The following FNTB variants were observed in gnomAD, a reference collection of about 807,000 sequenced individuals.
FNTB encodes protein farnesyltransferase subunit beta.
FNTB carries 27 observed loss-of-function variants against 59.4 expected under a neutral mutation model. That is an observed-to-expected ratio of 0.45 (90% confidence interval 0.34 to 0.63). The LOEUF (loss-of-function observed/expected upper bound fraction) is 0.63. FNTB is among the 20% of genes least tolerant of loss of function. The pLI is 0.02. For synonymous variants in FNTB, 230 were observed against 220.7 expected (o/e 1.04, Z -0.37); for missense variants, 449 against 559.6 (o/e 0.80, Z 1.99).
Position 65,009,318 on chromosome 14 carries a change from A to G in FNTB, c.210-2999A>G, listed in dbSNP as rs867073997. Among the ~76,000 whole-genome samples, 29 of 152,054 alleles carry G rather than the reference A, an allele frequency of 1.9e-4. No homozygotes were observed. Among genetic ancestry groups the G allele is most frequent in the African/African-American group, 6.3e-4 (26 of 41,394 alleles). On this transcript the variant is annotated intron_variant, in intron 2 of 11. Coordinates refer to ENST00000246166, the MANE Select transcript of FNTB (RefSeq NM_002028.4). This position sits in a 1 kb window ranked among gnomAD's most constrained non-coding sequence, Gnocchi z 4.2. The stretch of plus-strand genomic sequence containing the variant: ...CCTGAGGCTGCTGACTGGCTTCACC[A>G]ACATGTTATATTTCTTAATTTCACT...
chr14:64,992,772 T>G (rs1353234719), intron 1 of FNTB, among the ~76,000 whole-genome samples: 1 of 152,176 alleles, frequency 6.6e-6, no homozygotes, highest in South Asian at 2.1e-4. Flanking sequence ...ATTTTTTTTT[T>G]GCAGTGTTTC....
rs375237447 is a variant in FNTB, at chr14:65,012,427, T to G, written c.282+38T>G. ...CCCAGGAACTCTTGCTGTCAAATTA[T>G]CCACCAAATCCTCCTCCTTTTTCTA... On this transcript the variant is annotated intron_variant, in intron 3 of 11. Coordinates refer to ENST00000246166, the MANE Select transcript of FNTB (RefSeq NM_002028.4). The surrounding 1 kb of genome is among the most constrained non-coding windows in gnomAD (Gnocchi z 5.0). 8.7e-6 allele frequency: 14 copies of G among 1,612,356 alleles called. No individual in the cohort carries two copies. The African/African-American group carries it at 1.2e-4, about 14-fold the overall frequency.
chr14:65,057,994 C>T (rs1000787338), intron 11 of FNTB, among the ~76,000 whole-genome samples: 1 of 152,170 alleles, frequency 6.6e-6, no homozygotes, highest in Non-Finnish European at 1.5e-5. Flanking sequence ...TTCAAAATTG[C>T]CTTGGCTATT....
chr14:65,013,329 T>A (rs2061713554), intron 3 of FNTB, among the ~76,000 whole-genome samples: 3 of 151,320 alleles, frequency 2.0e-5, no homozygotes, highest in African/African-American at 7.3e-5. Flanking sequence ...TGTTTCCTTT[T>A]TTTTTTTTCT....
chr14:65,018,739 G>A (rs2139538053), intron 4 of FNTB, among the ~76,000 whole-genome samples: 1 of 151,346 alleles, frequency 6.6e-6, no homozygotes, highest in Admixed American at 6.6e-5. Flanking sequence ...GAATCTGGGA[G>A]GTGGACGTTG....
At chr14:65,043,162 G>A (rs2062389019) in intron 8 of FNTB, among the ~76,000 whole-genome samples, 1 of 152,176 alleles carries the variant, frequency 6.6e-6, no homozygotes, top group Admixed American at 6.5e-5. Flanking sequence ...GGCTGGAACG[G>A]CCTAGGTGGT....
intron 1 of FNTB, among the ~76,000 whole-genome samples, chr14:65,000,361 T>C (rs1167191025): frequency 6.6e-6 from 1 of 152,194 alleles, no homozygotes; most frequent in South Asian, 2.1e-4. Flanking sequence ...ACTTATTTTC[T>C]TGTTATTATG....
At chr14:65,056,600 G>C (rs527950104) in intron 11 of FNTB, among the ~76,000 whole-genome samples, 7 of 152,164 alleles carry the variant, frequency 4.6e-5, no homozygotes, top group Non-Finnish European at 1.0e-4. Context: ...ATTTTCAAAT[G>C]TTTGTTGGCC....
rs2061759103 is a variant in FNTB at position 65,015,615 on chromosome 14, T to C, written c.283-10T>C. 1.9e-6 allele frequency: 3 copies of C among 1,613,868 alleles called. No individual in the cohort carries two copies. The highest frequency in any genetic ancestry group is 2.2e-5 in the East Asian group (1 of 44,880). Reference sequence around the variant, plus strand: ...AATAAGGGATGTTTTCTCTCCTGTCTCTCTCCCAGTGTCTGGATGCCAGCC... The same window carrying C: ...AATAAGGGATGTTTTCTCTCCTGTCCCTCTCCCAGTGTCTGGATGCCAGCC... On this transcript the variant is annotated splice_polypyrimidine_tract_variant and intron_variant, in intron 3 of 11. Transcript: ENST00000246166.
chr14:65,006,156 CTT>C (rs367570902), intron 2 of FNTB: 25,036 of 1,411,522 alleles, frequency 0.018, no homozygotes, highest in South Asian at 0.029. Flanking sequence ...ACCTTTGTGT[CTT>C]TTTTTTTTTT....
At chr14:65,040,322 TATATG>T (rs2062319914) in intron 7 of FNTB, among the ~76,000 whole-genome samples, 1 of 149,938 alleles carries the variant, frequency 6.7e-6, no homozygotes, top group Non-Finnish European at 1.5e-5. Context: ...TATATGTACA[TATATG>T]TATATGTATG....
intron 11 of FNTB, among the ~76,000 whole-genome samples, chr14:65,059,245 A>G (rs2062808712): frequency 6.7e-6 from 1 of 149,592 alleles, no homozygotes; most frequent in Non-Finnish European, 1.5e-5. Flanking sequence ...CTGGTCTTGA[A>G]CTCTTGGCCT....
chr14:65,037,954 G>A (rs773138310), intron 7 of FNTB, among the ~76,000 whole-genome samples: 1 of 150,604 alleles, frequency 6.6e-6, no homozygotes, highest in Admixed American at 6.6e-5. Flanking sequence ...TAATTTTTAC[G>A]GGGTTTCGCC....
Position 65,009,477 on chromosome 14 carries a change from C to G in FNTB, c.210-2840C>G, listed in dbSNP as rs1319121776. Among the ~76,000 whole-genome samples, 4 of 152,168 alleles carry G rather than the reference C, an allele frequency of 2.6e-5. No homozygotes were observed. Among genetic ancestry groups the G allele is most frequent in the Admixed American group, 1.3e-4 (2 of 15,276 alleles). On this transcript the variant is annotated intron_variant, in intron 2 of 11. Coordinates refer to ENST00000246166, the MANE Select transcript of FNTB (RefSeq NM_002028.4). The surrounding 1 kb of genome is among the most constrained non-coding windows in gnomAD (Gnocchi z 4.2). Reference sequence around the variant, plus strand: ...TCCTGAGAAAATCGAGGCTGACCCACCTGACTTTCCTGTTTCCTTCTTCCC... The same window carrying G: ...TCCTGAGAAAATCGAGGCTGACCCAGCTGACTTTCCTGTTTCCTTCTTCCC...
Position 65,012,247 on chromosome 14 carries a change from C to T in FNTB, c.210-70C>T, listed in dbSNP as rs556350594. 2.2e-4 allele frequency: 344 copies of T among 1,579,900 alleles called. 6 individuals are homozygous for T. The South Asian group carries it at 3.1e-3, about 14-fold the overall frequency. ...CTGAGTGTTTACCCGTGTGTGTGTA[C>T]GTGCACATACGTGTGTATGGTGGAA... On this transcript the variant is annotated intron_variant, in intron 2 of 11. Transcript: ENST00000246166. This position sits in a 1 kb window ranked among gnomAD's most constrained non-coding sequence, Gnocchi z 5.0.
intron 7 of FNTB, among the ~76,000 whole-genome samples, chr14:65,036,512 T>C (rs1314854700): frequency 1.3e-5 from 2 of 151,986 alleles, no homozygotes; most frequent in African/African-American, 4.8e-5. Context: ...GCTGGGATTA[T>C]AGGCGTGAGC....
intron 2 of FNTB, among the ~76,000 whole-genome samples, chr14:65,005,511 T>TTCTTTCTC (rs1555390096): frequency 1.1e-3 from 70 of 64,444 alleles, no homozygotes; most frequent in East Asian, 4.2e-3. Context: ...CTTTCTTTCT[T>TTCTTTCTC]TCTCTCTCTC....
Position 65,023,571 on chromosome 14 carries a change from TG to T in FNTB, c.375-3881del, listed in dbSNP as rs1475639177. Among the ~76,000 whole-genome samples, 3 of 152,208 alleles carry T rather than the reference TG, an allele frequency of 2.0e-5. No individual in the cohort carries two copies. The highest frequency in any genetic ancestry group is 7.2e-5 in the African/African-American group (3 of 41,462). On this transcript the variant is annotated intron_variant, in intron 4 of 11. Coordinates refer to ENST00000246166, the MANE Select transcript of FNTB (RefSeq NM_002028.4). The surrounding 1 kb of genome is among the most constrained non-coding windows in gnomAD (Gnocchi z 4.1). The stretch of plus-strand genomic sequence containing the variant: ...TCTATATTCTGTAAATGTCTATAGG[TG>T]TCTATAAACATCTATACGTGTTCTA...
rs778200008 is a variant in FNTB at position 65,000,838 on chromosome 14, A to AAAAAAAAAAAAAAAAAAAAAG, written c.145-3408_145-3407insAAAAAAAAAAAAAAAAAGAAA. Among the ~76,000 whole-genome samples, 216 of 116,046 alleles carry AAAAAAAAAAAAAAAAAAAAAG rather than the reference A, an allele frequency of 1.9e-3. 19 individuals are homozygous for AAAAAAAAAAAAAAAAAAAAAG. Among genetic ancestry groups the AAAAAAAAAAAAAAAAAAAAAG allele is most frequent in the Non-Finnish European group, 2.8e-3 (141 of 49,718 alleles). The allele number at this position is 116,046 out of a possible 152,430, so 76.1% of individuals were successfully genotyped here. On this transcript the variant is annotated intron_variant, in intron 1 of 11. Coordinates refer to ENST00000246166, the MANE Select transcript of FNTB (RefSeq NM_002028.4). ...CTCAAAAAAAAAAAAAAAAAAAAAA[A>AAAAAAAAAAAAAAAAAAAAAG]AAAGAATAGTTACCCAAAAAGCTGG...
Sources: gnomAD v4.1 joint callset for allele counts (sites outside exome capture counted in the v4.1 genomes callset) on GRCh38, gnomAD v4.1.1 for gene constraint, Gnocchi (gnomAD v3.1) non-coding constraint, MANE v1.5 for transcripts, NCBI Gene and HGNC (gene_info 2026-07-23, HGNC 2026-07-21) for gene names.